The following CHL1 variants were observed in gnomAD, a reference collection of about 807,000 sequenced individuals.
CHL1 encodes the protein cell adhesion molecule L1 like.
CHL1 carries 96 observed loss-of-function variants against 141.9 expected under a neutral mutation model. That is an observed-to-expected ratio of 0.68 (90% CI 0.57 to 0.80). The LOEUF is 0.80. Among genes scored for constraint, CHL1 ranks in the 30% least tolerant of loss-of-function variants. CHL1 has a pLI of 0.00. For synonymous variants in CHL1, 613 were observed against 502.2 expected, an observed-to-expected ratio of 1.22 and a Z score of -2.95; for missense variants, 1,820 against 1,457.2, an observed-to-expected ratio of 1.25 and a Z score of -4.05.
At chr3:229,201 G>GCA (rs936582844) in intron 1 of CHL1, among the ~76,000 whole-genome samples, 1 of 152,228 alleles carries the variant, frequency 6.6e-6, no homozygotes, top group African/African-American at 2.4e-5. Context: ...ATTTCTGCTA[G>GCA]CATGTTTTAT....
chr3:347,407 T>C (rs543278099), intron 9 of CHL1, among the ~76,000 whole-genome samples: 2 of 152,240 alleles, frequency 1.3e-5, no homozygotes, highest in South Asian at 2.1e-4. Flanking sequence ...GCAGGAGGTA[T>C]AAAAAAATTG....
At chr3:355,998 A>T (rs980440288) in intron 11 of CHL1, among the ~76,000 whole-genome samples, 16 of 152,306 alleles carry the variant, frequency 1.1e-4, no homozygotes, top group African/African-American at 3.6e-4. Flanking sequence ...AGGAAACATC[A>T]TGCAGAGAAT....
rs1329016100 is a variant in CHL1 at position 405,599 on chromosome 3, A to G, written c.3563A>G (p.His1188Arg). The change falls in exon 28 of 28, where the codon CAT becomes CGT. Residue 1188 changes from histidine (H) to arginine (R), a missense_variant. Transcript: ENST00000256509. ...DSLVEYGEGD[H>R]GLFSEDGSFI... ...TTAGTCGAATACGGAGAGGGAGACC[A>G]TGGTCTCTTCAGTGAAGATGGATCA... is the stretch of plus-strand genomic sequence containing the variant. 6 of 1,613,520 alleles carry G rather than the reference A, an allele frequency of 3.7e-6. No individual in the cohort carries two copies. The highest frequency in any genetic ancestry group is 5.1e-6 in the Non-Finnish European group (6 of 1,179,538).
intron 2 of CHL1, among the ~76,000 whole-genome samples, chr3:319,327 A>G (rs1575055927): frequency 6.6e-6 from 1 of 151,772 alleles, no homozygotes; most frequent in South Asian, 2.1e-4. Context: ...AGTGGCACTC[A>G]ATTTACCTAT....
At chr3:236,479 G>A (rs1323597607) in intron 1 of CHL1, among the ~76,000 whole-genome samples, 1 of 152,146 alleles carries the variant, frequency 6.6e-6, no homozygotes, top group East Asian at 1.9e-4. Flanking sequence ...GCAATGAAAT[G>A]CATATCCTCA....
intron 2 of CHL1, chr3:282,901 A>G (rs1349714979): frequency 1.3e-5 from 2 of 152,156 alleles, no homozygotes; most frequent in African/African-American, 4.8e-5. Flanking sequence ...TCTGGACTAT[A>G]CTGTATAGAA....
In CHL1 at chr3:349,505, TG is replaced by T; in HGVS notation, c.998del (p.Gly333GlufsTer10). The T allele has an allele frequency of 6.2e-7, 1 of 1,613,948 alleles. No individual in the cohort carries two copies. Among genetic ancestry groups the T allele is most frequent in the East Asian group, 2.2e-5 (1 of 44,878 alleles). ...GNYRCTASNF[L>X]GTATHDFHVI... is the part of the protein sequence containing the mutation. Reference sequence around the variant, plus strand: ...TATCGCTGCACAGCCAGCAATTTCTTGGGAACAGCCACTCACGATTTTCACG... The same window carrying T: ...TATCGCTGCACAGCCAGCAATTTCTTGGAACAGCCACTCACGATTTTCACG... On this transcript the variant is annotated frameshift_variant, in exon 10 of 28. Coordinates refer to ENST00000256509, the MANE Select transcript of CHL1 (RefSeq NM_006614.4). LOFTEE classifies it high-confidence loss of function.
intron 8 of CHL1, among the ~76,000 whole-genome samples, chr3:344,143 T>A (rs926599916): frequency 2.0e-5 from 3 of 152,188 alleles, no homozygotes; most frequent in Admixed American, 6.6e-5. Flanking sequence ...ACCACAGCCT[T>A]CCTCAGTGAG....
intron 2 of CHL1, among the ~76,000 whole-genome samples, chr3:315,329 C>G (rs1700079243): frequency 6.6e-6 from 1 of 152,100 alleles, no homozygotes; most frequent in South Asian, 2.1e-4. Flanking sequence ...ACTAACTTTC[C>G]CATGGTCTCA....
intron 2 of CHL1, among the ~76,000 whole-genome samples, chr3:253,134 A>C (rs192365447): frequency 2.6e-4 from 39 of 152,240 alleles, no homozygotes; most frequent in African/African-American, 8.9e-4. Flanking sequence ...AGTAGTCCTT[A>C]CAGAGTTTAT....
intron 1 of CHL1, among the ~76,000 whole-genome samples, chr3:218,838 T>A (rs1209734003): frequency 6.6e-6 from 1 of 152,056 alleles, no homozygotes; most frequent in Admixed American, 6.6e-5. Context: ...CCGGTCAGAA[T>A]GGTTATAATT....
intron 2 of CHL1, among the ~76,000 whole-genome samples, chr3:259,668 C>CT (rs564192414): frequency 7.0e-4 from 106 of 152,058 alleles, no homozygotes; most frequent in African/African-American, 2.5e-3. Context: ...CATTTTATAT[C>CT]TTTTTATTTA....
chr3:363,232 A>C lies in CHL1; in HGVS notation c.1434A>C (p.Glu478Asp). The change falls in exon 14 of 28, where the codon GAA (glutamate) becomes GAC (aspartate). Residue 478 changes from glutamate (E) to aspartate (D), a missense_variant. Glu to Asp is a conservative substitution (Grantham distance 45). Coordinates refer to ENST00000256509, the MANE Select transcript of CHL1 (RefSeq NM_006614.4). ...EAVVSWQKVE[E>D]VKPLEGRRYH... The stretch of plus-strand genomic sequence containing the variant: ...TTGTCCATAGGCAGAAGGTGGAAGA[A>C]GTGAAACCCCTGGAGGGCAGGCGGT... 1 of 1,610,386 alleles carries C rather than the reference A, an allele frequency of 6.2e-7. No individual in the cohort carries two copies. The highest frequency in any genetic ancestry group is 8.5e-7 in the Non-Finnish European group (1 of 1,178,822).
At chr3:360,089 T>A (rs1704088560) in intron 11 of CHL1, among the ~76,000 whole-genome samples, 195 bp from the exon 12 acceptor site, 1 of 152,290 alleles carries the variant, frequency 6.6e-6, no homozygotes, top group Middle Eastern at 3.4e-3. Flanking sequence ...TGAAAGATAA[T>A]TGAAAATTCA....
intron 2 of CHL1, among the ~76,000 whole-genome samples, chr3:248,914 A>G (rs1406568064): frequency 2.0e-5 from 3 of 152,214 alleles, no homozygotes; most frequent in African/African-American, 7.2e-5. Context: ...CAGACTGCAC[A>G]TATAAAATGT....
intron 2 of CHL1, among the ~76,000 whole-genome samples, chr3:269,482 C>T (rs1476115831): frequency 3.9e-5 from 6 of 152,010 alleles, no homozygotes; most frequent in Admixed American, 3.9e-4. Context: ...CCTTTCAGCC[C>T]AGGTGGGGTA....
chr3:273,994 A>G (rs990579122), intron 2 of CHL1, among the ~76,000 whole-genome samples: 2 of 152,212 alleles, frequency 1.3e-5, no homozygotes, highest in Non-Finnish European at 2.9e-5. Flanking sequence ...CAAAGCCTCA[A>G]TGAAATAGAC....
intron 3 of CHL1, among the ~76,000 whole-genome samples, chr3:325,305 G>C (rs982087761): frequency 3.3e-5 from 5 of 151,772 alleles, no homozygotes; most frequent in African/African-American, 1.2e-4. Context: ...TTTGTTATTT[G>C]TGTATATATT....
chr3:399,931 C>T (rs1708987294), intron 26 of CHL1, among the ~76,000 whole-genome samples: 3 of 152,154 alleles, frequency 2.0e-5, no homozygotes, highest in African/African-American at 7.2e-5. Flanking sequence ...ATGTAGTAGA[C>T]ACACTGCCTC....
Sources: allele counts gnomAD v4.1 joint callset (sites outside exome capture counted in the v4.1 genomes callset), GRCh38; gene constraint gnomAD v4.1.1; transcripts MANE v1.5; gene names NCBI Gene and HGNC (gene_info 2026-07-23, HGNC 2026-07-21).